Variants in DCLRE1C observed in about 807,000 individuals in gnomAD.
DCLRE1C encodes the protein protein artemis.
DCLRE1C carries 47 observed loss-of-function variants against 61.4 expected under a neutral mutation model. That is an observed-to-expected ratio of 0.77 (90% CI 0.61 to 0.98). DCLRE1C has a LOEUF of 0.98. Among genes scored for constraint, DCLRE1C ranks in the 50% least tolerant of loss-of-function variants. The pLI is 0.00. For missense variants in DCLRE1C, 858 were observed against 816.0 expected (o/e 1.05, Z -0.63); for synonymous variants, 337 against 287.6 (o/e 1.17, Z -1.74).
Position 14,926,396 on chromosome 10 carries a change from G to A in DCLRE1C, c.972+447C>T, listed in dbSNP as rs1023580988. ...TGAAGCCAGGTGCAGTGACTTACAC[G>A]TGTAACCCAGCACTTTGGGAGGCCA... On this transcript the variant is annotated intron_variant, in intron 11 of 13. Transcript: ENST00000378278. Among the ~76,000 whole-genome samples, 8 of 152,206 alleles carry A rather than the reference G, an allele frequency of 5.3e-5. No individual in the cohort carries two copies. The South Asian group carries it at 6.2e-4, about 12-fold the overall frequency.
chr10:14,919,857 T>G (rs1836810146), intron 12 of DCLRE1C, 25 bp from the exon 13 acceptor site: 1 of 1,584,428 alleles, frequency 6.3e-7, no homozygotes, highest in Middle Eastern at 1.7e-4. Flanking sequence ...AATATTTGAT[T>G]TTTCCTTTTG....
rs537210034 is a variant in DCLRE1C, at chr10:14,946,780, C to A, written c.162-1591G>T. Reference sequence around the variant, plus strand: ...CTACAGCACATGCCACCACACCTGGCTCATTTTTCCTATTTTCTGCAGAGA... The same window carrying A: ...CTACAGCACATGCCACCACACCTGGATCATTTTTCCTATTTTCTGCAGAGA... On this transcript the variant is annotated intron_variant, in intron 2 of 13. Coordinates refer to ENST00000378278, the MANE Select transcript of DCLRE1C (RefSeq NM_001033855.3). 2.0e-5 allele frequency among the ~76,000 whole-genome samples: 3 copies of A among 152,196 alleles called. No homozygotes were observed. The South Asian group carries it at 6.2e-4, about 32-fold the overall frequency.
intron 11 of DCLRE1C, among the ~76,000 whole-genome samples, chr10:14,925,170 T>G (rs920926400): frequency 4.6e-5 from 7 of 150,768 alleles, no homozygotes; most frequent in African/African-American, 2.4e-5. Context: ...CCGATTTGAT[T>G]TGCACAAAGC....
chr10:14,903,047 A>G (rs1391157964), downstream of DCLRE1C: 3 of 152,188 alleles, frequency 2.0e-5, no homozygotes, highest in African/African-American at 7.2e-5. Flanking sequence ...TGGCACCTCA[A>G]TGATAAAGAA....
At chr10:14,928,439 C>T (rs905905124) in intron 9 of DCLRE1C, among the ~76,000 whole-genome samples, 1 of 152,120 alleles carries the variant, frequency 6.6e-6, no homozygotes, top group Non-Finnish European at 1.5e-5. Flanking sequence ...CCTGACTGAA[C>T]GCAATGGACG....
chr10:14,898,223 T>C (rs907021555), exon 14 of DCLRE1C: 2 of 142,046 alleles, frequency 1.4e-5, no homozygotes, highest in African/African-American at 5.3e-5. Flanking sequence ...TTTTTTTTTT[T>C]TTTTTTTGAG....
intron 13 of DCLRE1C, among the ~76,000 whole-genome samples, chr10:14,910,339 G>C (rs1164913061): frequency 6.6e-6 from 1 of 152,170 alleles, no homozygotes; most frequent in Non-Finnish European, 1.5e-5. Flanking sequence ...GCAGAATGTA[G>C]ATTTTAAGCC....
intron 4 of DCLRE1C, among the ~76,000 whole-genome samples, chr10:14,939,456 G>A (rs949011299): frequency 2.1e-5 from 3 of 141,032 alleles, no homozygotes; most frequent in Non-Finnish European, 3.1e-5. Flanking sequence ...AAAAAAAAAA[G>A]AACCAGGAAG....
chr10:14,907,222 A>C lies in DCLRE1C; in HGVS notation c.*1186T>G, dbSNP rs558392829. On this transcript the variant is annotated 3_prime_UTR_variant, in exon 14 of 14. Coordinates refer to ENST00000378278, the MANE Select transcript of DCLRE1C (RefSeq NM_001033855.3). ...CTAATTTGGCCACCGTATTCACATC[A>C]AGGTTAAGTGACTTAACATCTTTGG... Among the ~76,000 whole-genome samples, 144 of 151,536 alleles carry C rather than the reference A, an allele frequency of 9.5e-4. No individual in the cohort carries two copies. Among genetic ancestry groups the C allele is most frequent in the Middle Eastern group, 3.4e-3 (1 of 294 alleles).
intron 3 of DCLRE1C, among the ~76,000 whole-genome samples, chr10:14,944,894 T>C (rs988885732): frequency 2.0e-5 from 3 of 151,858 alleles, no homozygotes; most frequent in Non-Finnish European, 4.4e-5. Context: ...AGGCTGGTCA[T>C]GAACTCCTGA....
intron 13 of DCLRE1C, among the ~76,000 whole-genome samples, chr10:14,916,985 C>T (rs1052722117): frequency 6.6e-6 from 1 of 152,138 alleles, no homozygotes; most frequent in Non-Finnish European, 1.5e-5. Context: ...GGCTGGAGAA[C>T]TTAAAGCACC....
At chr10:14,934,319 C>T in intron 8 of DCLRE1C, 61 bp downstream of exon 8, 3 of 1,573,398 alleles carry the variant, frequency 1.9e-6, no homozygotes, top group Non-Finnish European at 1.7e-6. Flanking sequence ...CATAGCAAGA[C>T]TCCCTCTCAA....
At chr10:14,938,150 A>G (rs1840279472) in intron 4 of DCLRE1C, among the ~76,000 whole-genome samples, 1 of 152,152 alleles carries the variant, frequency 6.6e-6, no homozygotes, top group African/African-American at 2.4e-5. Context: ...AATGCATAAA[A>G]GTCATGGCAC....
rs1834323716 is a variant in DCLRE1C at position 14,905,568 on chromosome 10, C to T, written c.*2840G>A. On this transcript the variant is annotated 3_prime_UTR_variant, in exon 14 of 14. Coordinates refer to ENST00000378278, the MANE Select transcript of DCLRE1C (RefSeq NM_001033855.3). ...ACTTTTTAAAGTATTTAATCTTCGG[C>T]TTCAGGCAGACTTTTTAAAAAACTA... Among the ~76,000 whole-genome samples the T allele has an allele frequency of 6.6e-6, 1 of 152,244 alleles. No homozygotes were observed.
chr10:14,935,084 A>G (rs1048920970), intron 6 of DCLRE1C, among the ~76,000 whole-genome samples: 5 of 151,564 alleles, frequency 3.3e-5, no homozygotes, highest in East Asian at 2.0e-4. Flanking sequence ...TCAGCCTCCC[A>G]AAGTGCTGGG....
Position 14,908,583 on chromosome 10 carries a change from CTT to C in DCLRE1C, c.1902_1903del (p.Ser635PhefsTer5), listed in dbSNP as rs760288938. 1.9e-6 allele frequency: 3 copies of C among 1,614,130 alleles called. No individual in the cohort carries two copies. Among genetic ancestry groups the C allele is most frequent in the Non-Finnish European group, 2.5e-6 (3 of 1,180,026 alleles). ...TGCATTTGTGCTAAGATTTAGCAAA[CTT>C]TTTTCCTCGGGTATATGTGTCTCAC... On this transcript the variant is annotated frameshift_variant, in exon 14 of 14. Coordinates refer to ENST00000378278, the MANE Select transcript of DCLRE1C (RefSeq NM_001033855.3). LOFTEE classifies it high-confidence loss of function.
At chr10:14,899,797 A>G, downstream of DCLRE1C, 1 of 1,305,560 alleles carries the variant, frequency 7.7e-7, no homozygotes, top group Non-Finnish European at 1.0e-6. Flanking sequence ...CATTTCCAAA[A>G]TATGTATTTT....
chr10:14,945,615 A>T, intron 2 of DCLRE1C: 1 of 935,588 alleles, frequency 1.1e-6, no homozygotes, highest in Non-Finnish European at 1.3e-6. Context: ...AGGTGTGTTG[A>T]GAACAGAAAC....
intron 2 of DCLRE1C, among the ~76,000 whole-genome samples, chr10:14,946,617 G>T (rs115247916): frequency 6.6e-6 from 1 of 151,818 alleles, no homozygotes; most frequent in Non-Finnish European, 1.5e-5. Flanking sequence ...TTTTAACCCT[G>T]AGTCTCCATT....
Sources: allele counts gnomAD v4.1 joint callset (sites outside exome capture counted in the v4.1 genomes callset), GRCh38; gene constraint gnomAD v4.1.1; transcripts MANE v1.5; gene names NCBI Gene and HGNC (gene_info 2026-07-23, HGNC 2026-07-21).